Variants in TBPL1 observed in about 807,000 individuals in gnomAD.
TBPL1 encodes the protein TATA box-binding protein-like 1.
Under a neutral mutation model 22.1 loss-of-function variants are expected in TBPL1, and 4 were observed. The ratio of observed to expected loss-of-function variants is 0.18; its 90% confidence interval spans 0.09 to 0.41. The LOEUF is 0.41. TBPL1 is among the 10% of genes least tolerant of loss of function. The pLI, the probability that TBPL1 is intolerant of heterozygous loss-of-function variation, is 1.00. For synonymous variants in TBPL1, 64 were observed against 71.0 expected (o/e 0.90, Z 0.50); for missense variants, 115 against 222.3 (o/e 0.52, Z 3.07).
rs59102121 is a variant in TBPL1, at chr6:133,987,648, G to GTATATATATATATATATATATATATATA, written c.*627_*628insATATATATATATATATATATATATATAT. 1.1e-4 allele frequency: 10 copies of GTATATATATATATATATATATATATATA among 88,368 alleles called. No individual in the cohort carries two copies. Among genetic ancestry groups the GTATATATATATATATATATATATATATA allele is most frequent in the South Asian group, 3.1e-4 (1 of 3,236 alleles). The allele number at this position is 88,368 out of a possible 1,614,324, so 5.5% of individuals were successfully genotyped here. A position where few individuals can be genotyped will look rare whatever the true frequency, so the allele number is the denominator to read the frequency against. ...TTTGTGTGTGTGTGTGTGTGTGTGT[G>GTATATATATATATATATATATATATATA]TATATATATATATATATATGCACCA... On this transcript the variant is annotated 3_prime_UTR_variant, in exon 7 of 7. Transcript: ENST00000237264.
At position 133,954,152 on chromosome 6, in the gene TBPL1, A is replaced by G. The variant is rs1181424357; in HGVS notation, c.-45+727A>G. ...AGATGTGCATCTGCAGGCTCTGTCA[A>G]TGTGCTCATTGCAATAAGACTCAAA... On this transcript the variant is annotated intron_variant, in intron 1 of 6. Coordinates refer to ENST00000237264, the MANE Select transcript of TBPL1 (RefSeq NM_004865.4). Among the ~76,000 whole-genome samples, 4 of 152,344 alleles carry G rather than the reference A, an allele frequency of 2.6e-5. 1 individual carries two copies. Among genetic ancestry groups the G allele is most frequent in the South Asian group, 4.1e-4 (2 of 4,828 alleles).
At chr6:133,971,783 T>A (rs1476804369) in intron 1 of TBPL1, among the ~76,000 whole-genome samples, 2 of 152,192 alleles carry the variant, frequency 1.3e-5, no homozygotes, top group African/African-American at 4.8e-5. Context: ...ATCAGATTAT[T>A]TCTTTTGCTG....
At position 133,971,081 on chromosome 6, in the gene TBPL1, G is replaced by A. The variant is rs916032749; in HGVS notation, c.-44-9001G>A. ...ATTTTAAATCAATTGACCAACCTCC[G>A]TTCATTCTCATCCTCTTCTCCTCAG... is the stretch of plus-strand genomic sequence containing the variant. On this transcript the variant is annotated intron_variant, in intron 1 of 6. Coordinates refer to ENST00000237264, the MANE Select transcript of TBPL1 (RefSeq NM_004865.4). 9.9e-5 allele frequency among the ~76,000 whole-genome samples: 15 copies of A among 151,292 alleles called. 1 individual carries two copies. The highest frequency in any genetic ancestry group is 3.6e-4 in the African/African-American group (15 of 41,136).
chr6:133,969,573 G>A (rs1415064947), intron 1 of TBPL1, among the ~76,000 whole-genome samples: 1 of 152,084 alleles, frequency 6.6e-6, no homozygotes, highest in Non-Finnish European at 1.5e-5. Context: ...TTTACGGGTG[G>A]TAAAATATAC....
intron 1 of TBPL1, among the ~76,000 whole-genome samples, chr6:133,968,229 C>T (rs1776155353): frequency 6.6e-6 from 1 of 151,908 alleles, no homozygotes. Flanking sequence ...CCTCGTGATC[C>T]ACCTGGCCAG....
In TBPL1 at chr6:133,990,180, ACAT is replaced by A. The variant is rs1776601235; in HGVS notation, c.*3149_*3151del. ...ATTTATTGTGTCTTCAGTTATCTGA[ACAT>A]CATCATCAATTATAGCCTGTGTACC... On this transcript the variant is annotated 3_prime_UTR_variant, in exon 7 of 7. Coordinates refer to ENST00000237264, the MANE Select transcript of TBPL1 (RefSeq NM_004865.4). 1 of 152,644 alleles carries A rather than the reference ACAT, an allele frequency of 6.6e-6. No individual in the cohort carries two copies. Among genetic ancestry groups the A allele is most frequent in the African/African-American group, 2.4e-5 (1 of 41,466 alleles). 9.5% of individuals were successfully genotyped at this position (152,644 alleles called of 1,614,324 possible).
At chr6:133,955,983 T>A (rs1398522957) in intron 1 of TBPL1, among the ~76,000 whole-genome samples, 1 of 152,192 alleles carries the variant, frequency 6.6e-6, no homozygotes, top group Admixed American at 6.5e-5. Context: ...TATAGCTGAA[T>A]GTTTTTGGAG....
chr6:133,975,326 T>G (rs938123784), intron 1 of TBPL1, among the ~76,000 whole-genome samples: 44 of 152,112 alleles, frequency 2.9e-4, no homozygotes, highest in African/African-American at 1.0e-3. Flanking sequence ...AATGGAAAAT[T>G]TAATTAAGCA....
Position 133,967,978 on chromosome 6 carries a change from G to T in TBPL1, c.-44-12104G>T, listed in dbSNP as rs72982270. Among the ~76,000 whole-genome samples, 12 of 151,440 alleles carry T rather than the reference G, an allele frequency of 7.9e-5. No individual in the cohort carries two copies. In the East Asian group the frequency reaches 9.7e-4, roughly 12 times the overall value. ...CTTATATGAGCACAGGAAAAAAGCA[G>T]TTATCACTGTTAGGATTATGGGTGA... On this transcript the variant is annotated intron_variant, in intron 1 of 6. Transcript: ENST00000237264.
chr6:133,956,806 GAT>G (rs1350695366), intron 1 of TBPL1, among the ~76,000 whole-genome samples: 2 of 152,168 alleles, frequency 1.3e-5, no homozygotes, highest in African/African-American at 2.4e-5. Context: ...AAACAATAAA[GAT>G]AATGGTGGAC....
chr6:133,965,992 C>T (rs1776111140), intron 1 of TBPL1, among the ~76,000 whole-genome samples: 1 of 152,054 alleles, frequency 6.6e-6, no homozygotes, highest in South Asian at 2.1e-4. Context: ...GTTAACTTAC[C>T]CACAGTCATA....
At chr6:133,960,762 T>TG (rs1352930156) in intron 1 of TBPL1, among the ~76,000 whole-genome samples, 1 of 152,174 alleles carries the variant, frequency 6.6e-6, no homozygotes, top group East Asian at 1.9e-4. Flanking sequence ...ACTGACAGGG[T>TG]GGCCATTCTC....
chr6:133,983,524 G>A (rs1174144336), intron 4 of TBPL1, among the ~76,000 whole-genome samples: 2 of 152,162 alleles, frequency 1.3e-5, no homozygotes, highest in African/African-American at 4.8e-5. Context: ...TGAAGTAGAG[G>A]GTGATAGGAA....
rs200249148 is a variant in TBPL1, at chr6:133,987,648, G to GTGTGTATATATATATATATATATATATA, written c.*609_*610insGTGTATATATATATATATATATATATAT. 5.7e-5 allele frequency: 5 copies of GTGTGTATATATATATATATATATATATA among 88,314 alleles called. No homozygotes were observed. The highest frequency in any genetic ancestry group is 1.5e-4 in the African/African-American group (4 of 27,496). 5.5% of individuals were successfully genotyped at this position (88,314 alleles called of 1,614,324 possible). On this transcript the variant is annotated 3_prime_UTR_variant, in exon 7 of 7. Coordinates refer to ENST00000237264, the MANE Select transcript of TBPL1 (RefSeq NM_004865.4). ...TTTGTGTGTGTGTGTGTGTGTGTGT[G>GTGTGTATATATATATATATATATATATA]TATATATATATATATATATGCACCA... is the stretch of plus-strand genomic sequence containing the variant.
chr6:133,957,915 A>G (rs1775954516), intron 1 of TBPL1, among the ~76,000 whole-genome samples: 1 of 152,234 alleles, frequency 6.6e-6, no homozygotes, highest in African/African-American at 2.4e-5. Context: ...CTGTTGGACC[A>G]CTTGGATGCT....
chr6:133,982,671 T>C, intron 3 of TBPL1, 21 bp downstream of exon 3: 1 of 1,603,080 alleles, frequency 6.2e-7, no homozygotes, highest in South Asian at 1.1e-5. Flanking sequence ...CTTGGGTTTT[T>C]TGTTTTTATT....
chr6:133,970,816 G>GT (rs1424084106), intron 1 of TBPL1, among the ~76,000 whole-genome samples: 1 of 151,922 alleles, frequency 6.6e-6, no homozygotes, highest in Non-Finnish European at 1.5e-5. Flanking sequence ...GCCCAGGCTG[G>GT]TTTTTTATTT....
At chr6:133,954,242 C>T (rs1024036834) in intron 1 of TBPL1, among the ~76,000 whole-genome samples, 6 of 152,224 alleles carry the variant, frequency 3.9e-5, no homozygotes, top group Non-Finnish European at 8.8e-5. Flanking sequence ...CAAAGCGACA[C>T]TGGCAGTAAG....
At chr6:133,967,581 G>C (rs1271119494) in intron 1 of TBPL1, among the ~76,000 whole-genome samples, 1 of 152,200 alleles carries the variant, frequency 6.6e-6, no homozygotes, top group Non-Finnish European at 1.5e-5. Context: ...CCTGGGCTAT[G>C]TAGTATAGCC....
Sources: allele counts gnomAD v4.1 joint callset (sites outside exome capture counted in the v4.1 genomes callset), GRCh38; gene constraint gnomAD v4.1.1; transcripts MANE v1.5; gene names NCBI Gene and HGNC (gene_info 2026-07-23, HGNC 2026-07-21).